The following MROH7 variants were observed in gnomAD, a reference collection of about 807,000 sequenced individuals.
MROH7 encodes maestro heat-like repeat-containing protein family member 7.
Under a neutral mutation model 129.2 loss-of-function variants are expected in MROH7, and 113 were observed. The ratio of observed to expected loss-of-function variants is 0.87; its 90% CI spans 0.75 to 1.02. The LOEUF (loss-of-function observed/expected upper bound fraction) is 1.02. MROH7 is among the 50% of genes least tolerant of loss of function. The probability of loss-of-function intolerance (pLI) is 0.00; values close to 1 mark genes in which losing one functional copy is unlikely to be tolerated. For missense variants in MROH7, 1,601 were observed against 1,671.3 expected (o/e 0.96, Z 0.73); for synonymous variants, 655 against 667.9 (o/e 0.98, Z 0.30).
intron 15 of MROH7, among the ~76,000 whole-genome samples, chr1:54,689,489 C>T (rs537449421): frequency 2.0e-5 from 3 of 152,304 alleles, no homozygotes; most frequent in South Asian, 2.1e-4. Context: ...GCAAATTGTC[C>T]GTGCTCCAGA....
Position 54,670,796 on chromosome 1 carries a change from C to G in MROH7, c.1470-4C>G. 6.2e-7 allele frequency: 1 copy of G among 1,613,544 alleles called. No homozygotes were observed. The highest frequency in any genetic ancestry group is 8.5e-7 in the Non-Finnish European group (1 of 1,179,788). ...CATTTCTTTGCTTTCTGCCTCTTCT[C>G]CAGCCACACCCAGCCCACCCTGGGC... On this transcript the variant is annotated splice_region_variant and splice_polypyrimidine_tract_variant and intron_variant, in intron 6 of 23. Transcript: ENST00000421030.
chr1:54,684,585 C>T (rs538002975), intron 14 of MROH7, among the ~76,000 whole-genome samples: 16 of 152,348 alleles, frequency 1.1e-4, no homozygotes, highest in South Asian at 2.1e-4. Context: ...AAGATAGAGC[C>T]GAAAGCAAAG....
rs1286234358 is a variant in MROH7 at position 54,703,483 on chromosome 1, C to T, written c.3564+738C>T. ...TTCTCCTCTTGGAGATTTGCAATGA[C>T]ATCAGGATACTAAAGGCTCTGAGAT... On this transcript the variant is annotated intron_variant, in intron 21 of 23. Transcript: ENST00000421030. This position sits in a 1 kb window ranked among gnomAD's most constrained non-coding sequence, Gnocchi z 4.4. 6.6e-6 allele frequency among the ~76,000 whole-genome samples: 1 copy of T among 152,132 alleles called. No individual in the cohort carries two copies. The highest frequency in any genetic ancestry group is 2.4e-5 in the African/African-American group (1 of 41,414).
chr1:54,709,146 C>A (rs12028701), intron 23 of MROH7, 70 bp downstream of exon 23: 2 of 1,438,018 alleles, frequency 1.4e-6, no homozygotes, highest in African/African-American at 1.4e-5. Flanking sequence ...CAGTGGGTAA[C>A]AGGGAAAGGG....
intron 3 of MROH7, among the ~76,000 whole-genome samples, chr1:54,655,391 A>G (rs1367966047): frequency 1.3e-5 from 2 of 149,140 alleles, no homozygotes; most frequent in Non-Finnish European, 2.9e-5. Flanking sequence ...ATTTTTTGAG[A>G]CAAAAGTCTC....
intron 15 of MROH7, among the ~76,000 whole-genome samples, chr1:54,690,147 A>C (rs959514229): frequency 1.3e-5 from 2 of 152,210 alleles, no homozygotes; most frequent in Non-Finnish European, 2.9e-5. Context: ...GTTTGGGGAC[A>C]CAAGAGCCAC....
Position 54,700,452 on chromosome 1 carries a change from G to T in MROH7, c.3096G>T (p.Arg1032Ser), listed in dbSNP as rs1450521332. The change falls in exon 18 of 24, where the codon AGG (arginine) becomes AGT (serine). Residue 1032 changes from arginine (R) to serine (S), a missense_variant. Arg to Ser is a moderately radical substitution (Grantham distance 110). Coordinates refer to ENST00000421030, the MANE Select transcript of MROH7 (RefSeq NM_001039464.4). ...GAGGCCTGGTCATCCTGGCCCGCAG[G>T]TCTGAGAAGGTGAGTGGGAGGCAGA... ...SIRGLVILARRSEKTAKVKAL... is the reference protein window; with the variant it reads ...SIRGLVILARSSEKTAKVKAL... 8 of 1,592,924 alleles carry T rather than the reference G, an allele frequency of 5.0e-6. No individual in the cohort carries two copies. In the African/African-American group the frequency reaches 9.4e-5, roughly 19 times the overall value.
chr1:54,710,029 T>A lies in MROH7; in HGVS notation c.3814T>A (p.Trp1272Arg), dbSNP rs1350737542. 3.1e-6 allele frequency: 5 copies of A among 1,614,016 alleles called. No individual in the cohort carries two copies. The African/African-American group carries it at 6.7e-5, about 22-fold the overall frequency. ...CCAGGACCACATCCTGGCCAGCTGC[T>A]GGCAGAACTCCTGGCTGCCGCACGG... is the stretch of plus-strand genomic sequence containing the variant. The part of the protein sequence containing the change: ...QVQDHILASC[W>R]QNSWLPHGNS... Residue 1272 changes from tryptophan to arginine, a missense_variant, in exon 24 of 24, where the codon TGG (tryptophan) becomes AGG (arginine). By Grantham distance (101) the Trp-to-Arg change is moderately radical (BLOSUM62 -3). Coordinates refer to ENST00000421030, the MANE Select transcript of MROH7 (RefSeq NM_001039464.4).
chr1:54,657,048 CTTTTTT>C (rs35098878), intron 3 of MROH7, among the ~76,000 whole-genome samples: 8 of 132,436 alleles, frequency 6.0e-5, no homozygotes, highest in Non-Finnish European at 1.3e-4. Context: ...TTCTCACCAT[CTTTTTT>C]TTTTTTTTTT....
At position 54,654,273 on chromosome 1, in the gene MROH7, A is replaced by G. The variant is rs1050627749; in HGVS notation, c.1231+116A>G. 4.8e-6 allele frequency: 5 copies of G among 1,039,650 alleles called. No individual in the cohort carries two copies. The African/African-American group carries it at 8.0e-5, about 17-fold the overall frequency. 64.4% of individuals were successfully genotyped at this position (1,039,650 alleles called of 1,614,324 possible). A position where few individuals can be genotyped will look rare whatever the true frequency, so the allele number is the denominator to read the frequency against. On this transcript the variant is annotated intron_variant, in intron 3 of 23. Coordinates refer to ENST00000421030, the MANE Select transcript of MROH7 (RefSeq NM_001039464.4). ...GGGGACAGCAGGCAGTTGATAACAT[A>G]TGATTTATTAATTCTATACTAGACA...
At position 54,680,010 on chromosome 1, in the gene MROH7, G is replaced by A; in HGVS notation, c.2346G>A (p.Val782=). 1.2e-6 allele frequency: 2 copies of A among 1,614,020 alleles called. No individual in the cohort carries two copies. Among genetic ancestry groups the A allele is most frequent in the Non-Finnish European group, 1.7e-6 (2 of 1,179,976 alleles). The change falls in exon 13 of 24, where the codon GTG becomes GTA. Residue 782 remains valine, a synonymous_variant. Transcript: ENST00000421030. The stretch of plus-strand genomic sequence containing the variant: ...CTAGCTCCTTCATGACCGAGGTTGT[G>A]GTGGCCCTGCTCATGTGCCCCCTCC... The part of the protein sequence containing the change: ...LLASSFMTEV[V]VALLMCPLPL...
chr1:54,654,542 G>A (rs890689526), intron 3 of MROH7, among the ~76,000 whole-genome samples: 6 of 152,000 alleles, frequency 3.9e-5, no homozygotes, highest in African/African-American at 1.2e-4. Context: ...GCGTGGTGGC[G>A]CATGCCTGTA....
chr1:54,660,349 A>G (rs533841954), intron 3 of MROH7, among the ~76,000 whole-genome samples: 5 of 152,306 alleles, frequency 3.3e-5, no homozygotes, highest in African/African-American at 9.6e-5. Context: ...ACAACCTCCT[A>G]AAGTCTCTGC....
intron 15 of MROH7, among the ~76,000 whole-genome samples, chr1:54,691,553 C>T (rs1645237047): frequency 6.6e-6 from 1 of 152,144 alleles, no homozygotes; most frequent in Non-Finnish European, 1.5e-5. Context: ...TGCCTCTAAT[C>T]CCAGCACTTT....
At chr1:54,673,653 G>A (rs1417984713) in intron 8 of MROH7, 48 bp from the exon 9 acceptor site, 1 of 1,438,522 alleles carries the variant, frequency 7.0e-7, no homozygotes. Flanking sequence ...CCAGCAGCAG[G>A]GGCTGTCATC....
At chr1:54,644,659 G>A (rs2664066) in intron 1 of MROH7, among the ~76,000 whole-genome samples, 115,274 of 150,788 alleles carry the variant, frequency 0.76, 44,279 homozygotes, top group East Asian at 0.87. Flanking sequence ...TCTTTCTTCT[G>A]TTTTTTAATG....
intron 1 of MROH7, among the ~76,000 whole-genome samples, chr1:54,648,035 A>G (rs115839058): frequency 1.8e-3 from 273 of 151,988 alleles, no homozygotes; most frequent in African/African-American, 6.4e-3. Flanking sequence ...TTGAACATAC[A>G]ATTTATTTAA....
Position 54,700,413 on chromosome 1 carries a change from G to A in MROH7, c.3057G>A (p.Lys1019=). 1.2e-6 allele frequency: 2 copies of A among 1,613,026 alleles called. No homozygotes were observed. The highest frequency in any genetic ancestry group is 1.7e-6 in the Non-Finnish European group (2 of 1,179,426). Residue 1019 remains lysine, a synonymous_variant, in exon 18 of 24, where the codon AAG becomes AAA. Coordinates refer to ENST00000421030, the MANE Select transcript of MROH7 (RefSeq NM_001039464.4). The part of the protein sequence containing the change: ...EGLSHHDPIM[K]VLSIRGLVIL... ...TGAGCCACCACGACCCCATCATGAAGGTGCTGTCCATTCGAGGCCTGGTCA... is the reference window on the plus strand; with the variant it reads ...TGAGCCACCACGACCCCATCATGAAAGTGCTGTCCATTCGAGGCCTGGTCA...
At chr1:54,643,222 G>T (rs1264008114) in intron 1 of MROH7, among the ~76,000 whole-genome samples, 2 of 152,200 alleles carry the variant, frequency 1.3e-5, no homozygotes, top group Non-Finnish European at 2.9e-5. Flanking sequence ...ACTTCCTGGG[G>T]GAAGGGACAT....
Sources: gnomAD v4.1 joint callset for allele counts (sites outside exome capture counted in the v4.1 genomes callset) on GRCh38, gnomAD v4.1.1 for gene constraint, Gnocchi (gnomAD v3.1) non-coding constraint, MANE v1.5 for transcripts, NCBI Gene and HGNC (gene_info 2026-07-23, HGNC 2026-07-21) for gene names.